The following SORCS3 variants were observed in gnomAD, a reference collection of about 807,000 sequenced individuals.
The protein encoded by SORCS3 is VPS10 domain-containing receptor SorCS3.
Under a neutral mutation model 146.3 loss-of-function variants are expected in SORCS3, and 57 were observed. The observed-to-expected ratio is 0.39, with a 90% CI of 0.31 to 0.49. The LOEUF (loss-of-function observed/expected upper bound fraction) is 0.49, where lower values mean the gene tolerates loss of function less well. SORCS3 is among the 20% of genes least tolerant of loss of function. The pLI is 0.92. For missense variants in SORCS3, 1,341 were observed against 1,575.5 expected (o/e 0.85, Z 2.52); for synonymous variants, 653 against 618.5 (o/e 1.06, Z -0.83).
chr10:104,723,675 C>T (rs2016581532), intron 1 of SORCS3, among the ~76,000 whole-genome samples: 1 of 152,138 alleles, frequency 6.6e-6, no homozygotes, highest in Admixed American at 6.6e-5. Flanking sequence ...GTATTGGGTG[C>T]ATATATATTT....
chr10:104,944,680 G>A (rs540240985), intron 3 of SORCS3, among the ~76,000 whole-genome samples: 3 of 152,252 alleles, frequency 2.0e-5, no homozygotes, highest in East Asian at 3.9e-4. Context: ...CAACATATTA[G>A]CTAAAATGAA....
At chr10:104,742,713 A>G (rs1163680994) in intron 1 of SORCS3, among the ~76,000 whole-genome samples, 1 of 152,226 alleles carries the variant, frequency 6.6e-6, no homozygotes, top group African/African-American at 2.4e-5. Context: ...AATAAGGGCA[A>G]ACATCTTGAC....
At chr10:104,980,696 A>C (rs1242613942) in intron 4 of SORCS3, among the ~76,000 whole-genome samples, 2 of 152,158 alleles carry the variant, frequency 1.3e-5, no homozygotes, top group Non-Finnish European at 2.9e-5. Context: ...ATTTCTTTAG[A>C]GTTGGTAAGG....
intron 4 of SORCS3, among the ~76,000 whole-genome samples, chr10:104,993,635 G>A (rs188136912): frequency 6.9e-4 from 105 of 152,272 alleles, no homozygotes; most frequent in African/African-American, 2.5e-3. Flanking sequence ...TCTATCTCAG[G>A]CATAGATGGT....
chr10:105,038,096 T>G (rs1654821144), intron 4 of SORCS3, among the ~76,000 whole-genome samples: 1 of 152,130 alleles, frequency 6.6e-6, no homozygotes, highest in African/African-American at 2.4e-5. Flanking sequence ...TATGTGGCCA[T>G]GACATACAGT....
chr10:104,656,224 AG>A (rs1298618360), intron 1 of SORCS3, among the ~76,000 whole-genome samples: 1 of 152,118 alleles, frequency 6.6e-6, no homozygotes, highest in Non-Finnish European at 1.5e-5. Context: ...CTTCTGTGGC[AG>A]GGAGGAGCAA....
intron 1 of SORCS3, among the ~76,000 whole-genome samples, chr10:104,730,155 G>A (rs919144330): frequency 2.0e-5 from 3 of 152,194 alleles, no homozygotes; most frequent in African/African-American, 7.2e-5. Flanking sequence ...GGACGTCAGA[G>A]CATGTGAGAT....
chr10:105,099,387 A>C (rs184773253), intron 6 of SORCS3, among the ~76,000 whole-genome samples: 123 of 147,466 alleles, frequency 8.3e-4, no homozygotes, highest in African/African-American at 2.9e-3. Context: ...TAAATCACAG[A>C]AAGTTTTTTC....
chr10:104,709,424 C>T (rs1164854459), intron 1 of SORCS3, among the ~76,000 whole-genome samples: 4 of 152,090 alleles, frequency 2.6e-5, no homozygotes, highest in Non-Finnish European at 4.4e-5. Context: ...TGATATGTAC[C>T]ATCCCTTTAT....
intron 2 of SORCS3, among the ~76,000 whole-genome samples, chr10:104,861,949 C>T (rs1488868999): frequency 1.3e-5 from 2 of 152,140 alleles, no homozygotes; most frequent in African/African-American, 2.4e-5. Context: ...CCTTTATCTC[C>T]GCATGTGTGC....
At position 105,242,657 on chromosome 10, in the gene SORCS3, CATTTATATAT is replaced by C. The variant is rs1197017462; in HGVS notation, c.2869-2865_2869-2856del. Among the ~76,000 whole-genome samples, 140 of 65,600 alleles carry C rather than the reference CATTTATATAT, an allele frequency of 2.1e-3. 1 individual carries two copies. The highest frequency in any genetic ancestry group is 5.9e-3 in the African/African-American group (102 of 17,210). The allele number at this position is 65,600 out of a possible 152,430, so 43.0% of individuals were successfully genotyped here. A position where few individuals can be genotyped will look rare whatever the true frequency, so the allele number is the denominator to read the frequency against. On this transcript the variant is annotated intron_variant, in intron 20 of 26. Transcript: ENST00000369701. ...ATACATTTATATATATATTTATATA[CATTTATATAT>C]ATTTATATATATTTATATACATTTA...
chr10:104,924,625 G>A (rs577084311), intron 3 of SORCS3, among the ~76,000 whole-genome samples: 11 of 152,292 alleles, frequency 7.2e-5, no homozygotes, highest in African/African-American at 2.4e-4. Flanking sequence ...AAGAGGCTGG[G>A]TCCCTGGGAG....
intron 2 of SORCS3, among the ~76,000 whole-genome samples, chr10:104,850,142 A>G (rs10786828): frequency 0.46 from 69,982 of 152,126 alleles, 18,356 homozygotes; most frequent in East Asian, 0.72. Flanking sequence ...AATAATTAAC[A>G]TGGAAGGCAG....
chr10:104,923,196 C>T (rs1306019982), intron 3 of SORCS3, among the ~76,000 whole-genome samples: 2 of 152,224 alleles, frequency 1.3e-5, no homozygotes, highest in Non-Finnish European at 2.9e-5. Context: ...ACCATTTAGA[C>T]AGTGTTTTTC....
At chr10:104,831,252 C>T (rs923120586) in intron 1 of SORCS3, among the ~76,000 whole-genome samples, 1 of 152,178 alleles carries the variant, frequency 6.6e-6, no homozygotes, top group African/African-American at 2.4e-5. Flanking sequence ...TATTACAATC[C>T]TGTGTGGATA....
intron 4 of SORCS3, among the ~76,000 whole-genome samples, chr10:104,996,430 G>T (rs966831188): frequency 3.3e-5 from 5 of 151,972 alleles, no homozygotes; most frequent in Non-Finnish European, 4.4e-5. Flanking sequence ...TTTTAATCAG[G>T]TTTATTCCTA....
At chr10:104,650,246 A>G (rs1185739342) in intron 1 of SORCS3, among the ~76,000 whole-genome samples, 1 of 152,196 alleles carries the variant, frequency 6.6e-6, no homozygotes, top group Non-Finnish European at 1.5e-5. Context: ...CCAAGAGTGG[A>G]ACCTGAGAGC....
At chr10:104,789,766 G>A (rs1462199771) in intron 1 of SORCS3, among the ~76,000 whole-genome samples, 1 of 152,208 alleles carries the variant, frequency 6.6e-6, no homozygotes, top group Non-Finnish European at 1.5e-5. Flanking sequence ...TGTATGTGGG[G>A]ATGGGCTCTG....
chr10:104,879,016 G>C (rs2018604964), intron 2 of SORCS3, among the ~76,000 whole-genome samples: 1 of 152,186 alleles, frequency 6.6e-6, no homozygotes, highest in African/African-American at 2.4e-5. Context: ...TGTTATAAAA[G>C]ACTGCAGCAT....
Sources: allele counts gnomAD v4.1 joint callset (sites outside exome capture counted in the v4.1 genomes callset), GRCh38; gene constraint gnomAD v4.1.1; transcripts MANE v1.5; gene names NCBI Gene and HGNC (gene_info 2026-07-23, HGNC 2026-07-21).